BBS9: variants seen among roughly 807,000 people sequenced by gnomAD.
BBS9 encodes Bardet-Biedl syndrome 9.
Under a neutral mutation model 117.7 loss-of-function variants are expected in BBS9, and 89 were observed. The ratio of observed to expected loss-of-function variants is 0.76; its 90% CI spans 0.64 to 0.90. The LOEUF is 0.90. Among genes scored for constraint, BBS9 ranks in the 40% least tolerant of loss-of-function variants. BBS9 has a pLI of 0.00. For synonymous variants in BBS9, 379 were observed against 370.9 expected (o/e 1.02, Z -0.25); for missense variants, 982 against 1,042.2 (o/e 0.94, Z 0.80).
At chr7:33,355,805 C>G (rs1344014670) in intron 15 of BBS9, among the ~76,000 whole-genome samples, 1 of 151,826 alleles carries the variant, frequency 6.6e-6, no homozygotes, top group Non-Finnish European at 1.5e-5. Context: ...GTTTCTTTAG[C>G]TCTGGGTTCG....
intron 9 of BBS9, among the ~76,000 whole-genome samples, chr7:33,280,049 T>C (rs529445941): frequency 2.0e-5 from 3 of 152,386 alleles, no homozygotes; most frequent in African/African-American, 7.2e-5. Flanking sequence ...GCTCATTTTT[T>C]AGTTTGAGCA....
intron 19 of BBS9, among the ~76,000 whole-genome samples, chr7:33,479,341 T>C (rs1842214045): frequency 3.9e-5 from 6 of 152,176 alleles, no homozygotes; most frequent in Admixed American, 2.6e-4. Flanking sequence ...GAACATATGG[T>C]ATTTAGTTTT....
chr7:33,168,081 A>T (rs1246004567), intron 4 of BBS9, among the ~76,000 whole-genome samples: 1 of 152,208 alleles, frequency 6.6e-6, no homozygotes. Context: ...ATTAAAAATC[A>T]TTTCATGTTT....
chr7:33,235,169 T>C (rs529492506), intron 5 of BBS9, among the ~76,000 whole-genome samples: 39 of 152,300 alleles, frequency 2.6e-4, no homozygotes, highest in Non-Finnish European at 5.1e-4. Flanking sequence ...TTGGTAGCAT[T>C]GAATAGTTTA....
chr7:33,574,726 C>CACACAT lies in BBS9; in HGVS notation c.2522-30139_2522-30138insACACAT, dbSNP rs759591866. Reference sequence around the variant, plus strand: ...ACACACACACACACACACACACACACGCGCACACACACACACTTTCACTAT... The same window carrying CACACAT: ...ACACACACACACACACACACACACACACACATGCGCACACACACACACTTTCACTAT... On this transcript the variant is annotated intron_variant, in intron 21 of 22. Transcript: ENST00000242067. Among the ~76,000 whole-genome samples the CACACAT allele has an allele frequency of 2.4e-3, 306 of 129,576 alleles. 4 individuals are homozygous for CACACAT. The South Asian group carries it at 0.036, about 15-fold the overall frequency. The allele number at this position is 129,576 out of a possible 152,430, so 85.0% of individuals were successfully genotyped here.
chr7:33,226,991 A>T (rs2128248437), intron 5 of BBS9, among the ~76,000 whole-genome samples: 1 of 152,308 alleles, frequency 6.6e-6, no homozygotes, highest in East Asian at 1.9e-4. Context: ...TGCACTTATG[A>T]ATGTACCTAA....
At chr7:33,550,157 C>T (rs1050752371) in intron 21 of BBS9, among the ~76,000 whole-genome samples, 1 of 152,084 alleles carries the variant, frequency 6.6e-6, no homozygotes, top group Non-Finnish European at 1.5e-5. Context: ...AACATACTTC[C>T]TGTTTCTTTT....
In BBS9 at chr7:33,516,213, G is replaced by A. The variant is rs117319131; in HGVS notation, c.2298+10568G>A. 5.4e-4 allele frequency among the ~76,000 whole-genome samples: 82 copies of A among 152,194 alleles called. 1 individual carries two copies. In the East Asian group the frequency reaches 8.9e-3, roughly 17 times the overall value. ...TCCTATAATTGATGGAACATAGGCCGGGCGCGGTGGCTCACACCTGTAATC... is the reference window on the plus strand; with the variant it reads ...TCCTATAATTGATGGAACATAGGCCAGGCGCGGTGGCTCACACCTGTAATC... On this transcript the variant is annotated intron_variant, in intron 20 of 22. Transcript: ENST00000242067.
At chr7:33,301,047 A>G (rs919645935) in intron 9 of BBS9, among the ~76,000 whole-genome samples, 1 of 151,982 alleles carries the variant, frequency 6.6e-6, no homozygotes, top group Non-Finnish European at 1.5e-5. Flanking sequence ...TATTATTATA[A>G]TTATTACTTC....
At chr7:33,432,786 C>CT (rs71907844) in intron 19 of BBS9, among the ~76,000 whole-genome samples, 84 of 147,034 alleles carry the variant, frequency 5.7e-4, no homozygotes, top group South Asian at 8.7e-4. Flanking sequence ...CATGCTTTTC[C>CT]TTTTTTTTTT....
intron 21 of BBS9, among the ~76,000 whole-genome samples, chr7:33,541,187 C>T (rs1852238345): frequency 6.6e-6 from 1 of 151,964 alleles, no homozygotes; most frequent in Non-Finnish European, 1.5e-5. Context: ...TCAGGCAATT[C>T]CACATGCCTG....
chr7:33,473,227 A>G (rs980841884), intron 19 of BBS9, among the ~76,000 whole-genome samples: 3 of 152,234 alleles, frequency 2.0e-5, no homozygotes, highest in Admixed American at 2.0e-4. Flanking sequence ...AAAAACAAAA[A>G]TGTTGCCTAC....
chr7:33,326,072 T>C (rs1812764009), intron 9 of BBS9, among the ~76,000 whole-genome samples: 1 of 152,100 alleles, frequency 6.6e-6, no homozygotes, highest in Non-Finnish European at 1.5e-5. Context: ...CCTTCCCTTT[T>C]GGGCCATGAA....
At chr7:33,534,286 C>A in intron 21 of BBS9, 110 bp downstream of exon 21, 1 of 1,182,938 alleles carries the variant, frequency 8.5e-7, no homozygotes, top group Non-Finnish European at 1.2e-6. Flanking sequence ...TGATGATAGC[C>A]AAGAAAATTG....
chr7:33,304,864 T>C (rs1807547151), intron 9 of BBS9, among the ~76,000 whole-genome samples: 2 of 152,194 alleles, frequency 1.3e-5, no homozygotes, highest in African/African-American at 2.4e-5. Context: ...AAACATGTGC[T>C]GTGTCAGCTC....
intron 21 of BBS9, among the ~76,000 whole-genome samples, chr7:33,571,136 G>A (rs184170689): frequency 2.2e-4 from 33 of 152,202 alleles, no homozygotes; most frequent in South Asian, 4.1e-4. Flanking sequence ...GAAACTCATT[G>A]TACTATTTTG....
intron 19 of BBS9, among the ~76,000 whole-genome samples, chr7:33,500,588 G>T (rs1340575615): frequency 6.6e-6 from 1 of 152,230 alleles, no homozygotes; most frequent in Non-Finnish European, 1.5e-5. Flanking sequence ...CTTGCACACA[G>T]TGCCTGGCCC....
chr7:33,285,096 CAAT>C, intron 9 of BBS9, among the ~76,000 whole-genome samples: 1 of 151,658 alleles, frequency 6.6e-6, no homozygotes, highest in African/African-American at 2.4e-5. Flanking sequence ...GTTTAGAAGT[CAAT>C]AGATAGTGTA....
chr7:33,613,217 T>C (rs1264305900), intron 21 of BBS9, among the ~76,000 whole-genome samples: 1 of 152,094 alleles, frequency 6.6e-6, no homozygotes, highest in Non-Finnish European at 1.5e-5. Context: ...GTGGGGGGCC[T>C]GTCCCACCTG....
Sources: gnomAD v4.1 joint callset for allele counts (sites outside exome capture counted in the v4.1 genomes callset) on GRCh38, gnomAD v4.1.1 for gene constraint, MANE v1.5 for transcripts, NCBI Gene and HGNC (gene_info 2026-07-23, HGNC 2026-07-21) for gene names.